Variants in PUS7 observed in about 807,000 individuals in gnomAD.
PUS7 encodes pseudouridylate synthase 7 homolog.
PUS7 carries 48 observed loss-of-function variants against 79.8 expected under a neutral mutation model. That is an observed-to-expected ratio of 0.60 (90% CI 0.48 to 0.76). The LOEUF (loss-of-function observed/expected upper bound fraction) is 0.76. PUS7 is among the 30% of genes least tolerant of loss of function. The pLI is 0.00. For synonymous variants in PUS7, 286 were observed against 272.2 expected (o/e 1.05, Z -0.50); for missense variants, 729 against 797.6 (o/e 0.91, Z 1.04).
At position 105,519,972 on chromosome 7, in the gene PUS7, G is replaced by C. The variant is rs539641727; in HGVS notation, c.-33+2080C>G. Among the ~76,000 whole-genome samples, 10 of 152,270 alleles carry C rather than the reference G, an allele frequency of 6.6e-5. No individual in the cohort carries two copies. In the South Asian group the frequency reaches 2.1e-3, roughly 32 times the overall value. ...GCTGGATTGTTCTCTCTCTCTCCTA[G>C]GTAAGGAAAAACGCTGCTTCATTAA... On this transcript the variant is annotated intron_variant, in intron 1 of 15. Coordinates refer to ENST00000469408, the MANE Select transcript of PUS7 (RefSeq NM_019042.5).
chr7:105,465,248 G>A, intron 13 of PUS7, 65 bp downstream of exon 13: 1 of 1,193,658 alleles, frequency 8.4e-7, no homozygotes, highest in South Asian at 1.3e-5. Context: ...GTTTATATAT[G>A]CTTGAAATAG....
intron 6 of PUS7, 104 bp from the exon 7 acceptor site, chr7:105,491,721 T>G: frequency 1.5e-6 from 1 of 674,918 alleles, no homozygotes; most frequent in South Asian, 2.0e-5. Flanking sequence ...CTTACAATCA[T>G]AACACAGTAA....
chr7:105,459,115 G>T (rs868069349), intron 15 of PUS7, 53 bp downstream of exon 15: 8 of 1,188,432 alleles, frequency 6.7e-6, no homozygotes, highest in African/African-American at 6.2e-5. Flanking sequence ...TTATGTTTTT[G>T]TTTAACAAAA....
At chr7:105,480,033 G>A (rs117864030) in intron 9 of PUS7, among the ~76,000 whole-genome samples, 4,846 of 152,188 alleles carry the variant, frequency 0.032, 108 homozygotes, top group Admixed American at 0.056. Flanking sequence ...AATTAAGAGC[G>A]AGGGAAGGGC....
chr7:105,514,680 C>T (rs1825825676), intron 1 of PUS7, among the ~76,000 whole-genome samples: 1 of 152,154 alleles, frequency 6.6e-6, no homozygotes, highest in South Asian at 2.1e-4. Context: ...CTTTTTAAGC[C>T]TTGAGAGAGA....
intron 10 of PUS7, 131 bp downstream of exon 10, chr7:105,472,001 C>T (rs1294366718): frequency 9.8e-6 from 5 of 512,056 alleles, no homozygotes; most frequent in Non-Finnish European, 1.8e-5. Flanking sequence ...TAAACTTATA[C>T]TTTTATTGTA....
intron 9 of PUS7, among the ~76,000 whole-genome samples, chr7:105,473,836 G>A (rs1356594990): frequency 2.6e-5 from 4 of 152,216 alleles, no homozygotes; most frequent in Non-Finnish European, 5.9e-5. Context: ...TTATAGGCAT[G>A]AGCCACCATG....
rs190737153 is a variant in PUS7 at position 105,492,307 on chromosome 7, T to C, written c.843-690A>G. ...TCTCTTTAAAAAAAAACAAAAAAGG[T>C]AAATGATGGCCAAATAATTCTTCGC... On this transcript the variant is annotated intron_variant, in intron 6 of 15. Transcript: ENST00000469408. 1.3e-3 allele frequency among the ~76,000 whole-genome samples: 193 copies of C among 151,094 alleles called. 3 individuals carry two copies. In the South Asian group the frequency reaches 0.017, roughly 13 times the overall value.
chr7:105,488,186 C>G (rs1366701929), intron 7 of PUS7, among the ~76,000 whole-genome samples: 1 of 151,948 alleles, frequency 6.6e-6, no homozygotes, highest in Non-Finnish European at 1.5e-5. Context: ...TGCTGGCTGA[C>G]CAAGAAAAAA....
chr7:105,517,318 G>C (rs533454177), intron 1 of PUS7, among the ~76,000 whole-genome samples: 1 of 151,942 alleles, frequency 6.6e-6, no homozygotes, highest in Non-Finnish European at 1.5e-5. Context: ...GCGCCAACAC[G>C]CCTGGCTAAT....
chr7:105,481,103 T>A lies in PUS7; in HGVS notation c.1124A>T (p.Tyr375Phe). ...SLKEIGFINYYGMQRFGTTAV... is the reference protein window; with the variant it reads ...SLKEIGFINYFGMQRFGTTAV... ...TGTGGTTCCAAATCTTTGCATTCCA[T>A]AGTAGTTAATAAATCCAATCTCCTT... is the stretch of plus-strand genomic sequence containing the variant. The change falls in exon 9 of 16, where the codon TAT becomes TTT. Residue 375 changes from tyrosine (Y) to phenylalanine (F), a missense_variant. Physicochemically the swap from Tyr to Phe is conservative, Grantham distance 22. Transcript: ENST00000469408. The A allele has an allele frequency of 6.2e-7, 1 of 1,612,902 alleles. No homozygotes were observed. Among genetic ancestry groups the A allele is most frequent in the South Asian group, 1.1e-5 (1 of 90,876 alleles).
At chr7:105,505,769 T>C (rs976165093) in intron 4 of PUS7, among the ~76,000 whole-genome samples, 186 bp downstream of exon 4, 1 of 152,206 alleles carries the variant, frequency 6.6e-6, no homozygotes, top group Non-Finnish European at 1.5e-5. Context: ...GGGGGGGCTA[T>C]AGTTTATCTG....
intron 11 of PUS7, chr7:105,470,450 G>C (rs1047121654): frequency 1.1e-5 from 4 of 373,310 alleles, no homozygotes; most frequent in African/African-American, 4.1e-5. Flanking sequence ...TTCCACTGAA[G>C]ATTATGTTTT....
chr7:105,457,977 A>AC (rs1196084242), intron 15 of PUS7, 51 bp from the exon 16 acceptor site: 1 of 1,588,956 alleles, frequency 6.3e-7, no homozygotes, highest in Non-Finnish European at 8.5e-7. Flanking sequence ...CTGCAGACAG[A>AC]CCAGCGAGAG....
chr7:105,482,213 A>AAC (rs1824351595), intron 8 of PUS7, 99 bp downstream of exon 8: 1 of 1,387,868 alleles, frequency 7.2e-7, no homozygotes, highest in Non-Finnish European at 1.0e-6. Flanking sequence ...CTGTTCTGTT[A>AAC]GTACCAGCTC....
At chr7:105,463,819 T>A (rs565293128) in intron 13 of PUS7, among the ~76,000 whole-genome samples, 2 of 152,368 alleles carry the variant, frequency 1.3e-5, no homozygotes, top group South Asian at 4.1e-4. Context: ...AAATTGTGTT[T>A]TTAAAATTAA....
chr7:105,479,420 A>G (rs1200745348), intron 9 of PUS7, among the ~76,000 whole-genome samples: 2 of 152,222 alleles, frequency 1.3e-5, no homozygotes, highest in African/African-American at 4.8e-5. Flanking sequence ...CTCAAAGCCT[A>G]AGTTTGCTAA....
intron 14 of PUS7, chr7:105,462,265 C>T (rs1207019246): frequency 4.8e-6 from 1 of 209,652 alleles, no homozygotes; most frequent in African/African-American, 2.4e-5. Context: ...AACCCTGCCT[C>T]TACTAAAAAT....
intron 5 of PUS7, among the ~76,000 whole-genome samples, chr7:105,501,981 T>A (rs1825274217): frequency 6.8e-6 from 1 of 146,804 alleles, no homozygotes; most frequent in African/African-American, 2.5e-5. Flanking sequence ...TATATATATA[T>A]ATATATATAT....
Sources: allele counts gnomAD v4.1 joint callset (sites outside exome capture counted in the v4.1 genomes callset), GRCh38; gene constraint gnomAD v4.1.1; transcripts MANE v1.5; gene names NCBI Gene and HGNC (gene_info 2026-07-23, HGNC 2026-07-21).